The following NDFIP1 variants were observed in gnomAD, a reference collection of about 807,000 sequenced individuals.
NDFIP1 encodes Nedd4 family interacting protein 1, also known as NEDD4 family-interacting protein 1.
A neutral mutation model predicts 28.8 loss-of-function variants in NDFIP1; 7 were observed. The observed-to-expected ratio is 0.24, with a 90% CI of 0.14 to 0.46. The LOEUF (loss-of-function observed/expected upper bound fraction) is 0.46, where lower values mean the gene tolerates loss of function less well. Ranked by LOEUF, NDFIP1 falls within the 20% of genes least tolerant of loss-of-function variation. The pLI is 0.99. For synonymous variants in NDFIP1, 92 were observed against 101.0 expected (o/e 0.91, Z 0.53); for missense variants, 194 against 269.1 (o/e 0.72, Z 1.95).
chr5:142,118,137 G>T (rs1018469694), intron 1 of NDFIP1, among the ~76,000 whole-genome samples: 5 of 152,100 alleles, frequency 3.3e-5, no homozygotes, highest in African/African-American at 1.2e-4. Context: ...GTATGGTACG[G>T]TTTTCACAAT....
chr5:142,116,245 T>C (rs1340762872), intron 1 of NDFIP1, among the ~76,000 whole-genome samples: 1 of 152,246 alleles, frequency 6.6e-6, no homozygotes, highest in Non-Finnish European at 1.5e-5. Flanking sequence ...ATACTAGCAC[T>C]GATCAAGTTT....
intron 6 of NDFIP1, among the ~76,000 whole-genome samples, chr5:142,142,361 A>G (rs1472420847): frequency 1.3e-5 from 2 of 152,208 alleles, no homozygotes; most frequent in African/African-American, 4.8e-5. Flanking sequence ...AAAAATGACC[A>G]ACAGGAGAAT....
intron 7 of NDFIP1, among the ~76,000 whole-genome samples, chr5:142,146,381 T>G (rs1046478049): frequency 1.3e-5 from 2 of 152,246 alleles, no homozygotes; most frequent in African/African-American, 4.8e-5. Flanking sequence ...CATAAGAGAC[T>G]TATTAGATAT....
At chr5:142,146,759 A>T (rs969372759) in intron 7 of NDFIP1, among the ~76,000 whole-genome samples, 2 of 152,196 alleles carry the variant, frequency 1.3e-5, no homozygotes, top group Admixed American at 6.5e-5. Context: ...TACCTTCTTC[A>T]TCTTGGTTCT....
intron 3 of NDFIP1, among the ~76,000 whole-genome samples, chr5:142,135,100 T>G (rs1460563600): frequency 6.6e-6 from 1 of 152,068 alleles, no homozygotes; most frequent in Non-Finnish European, 1.5e-5. Context: ...TGCCTTAGCC[T>G]CCCGAGTAGC....
chr5:142,129,358 A>G (rs897860691), intron 1 of NDFIP1, among the ~76,000 whole-genome samples: 1 of 152,190 alleles, frequency 6.6e-6, no homozygotes, highest in East Asian at 1.9e-4. Context: ...TCGGTGTCCC[A>G]GGAGCATTTG....
chr5:142,113,932 A>AT (rs1350409912), intron 1 of NDFIP1, among the ~76,000 whole-genome samples: 4 of 152,142 alleles, frequency 2.6e-5, no homozygotes, highest in African/African-American at 9.7e-5. Flanking sequence ...TATGTACCAC[A>AT]TTTTGTTTAT....
Position 142,152,647 on chromosome 5 carries a change from T to C in NDFIP1, c.*919T>C, listed in dbSNP as rs1757459280. 1 of 153,942 alleles carries C rather than the reference T, an allele frequency of 6.5e-6. No homozygotes were observed. The highest frequency in any genetic ancestry group is 2.4e-5 in the African/African-American group (1 of 41,458). 9.5% of individuals were successfully genotyped at this position (153,942 alleles called of 1,614,324 possible). A position where few individuals can be genotyped will look rare whatever the true frequency, so the allele number is the denominator to read the frequency against. On this transcript the variant is annotated 3_prime_UTR_variant, in exon 8 of 8. Coordinates refer to ENST00000253814, the MANE Select transcript of NDFIP1 (RefSeq NM_030571.4). ...CATACTGTACTACTTGCTTTTACAA[T>C]GTGTTAGCAGAAACCAGTGGGTTAT...
chr5:142,150,782 A>G (rs201930170), intron 7 of NDFIP1, among the ~76,000 whole-genome samples: 1 of 152,014 alleles, frequency 6.6e-6, no homozygotes, highest in African/African-American at 2.4e-5. Flanking sequence ...TGTGGCTTTT[A>G]TAGTAATTTG....
intron 1 of NDFIP1, among the ~76,000 whole-genome samples, chr5:142,118,200 G>T (rs977781691): frequency 2.0e-5 from 3 of 152,124 alleles, no homozygotes; most frequent in African/African-American, 7.2e-5. Flanking sequence ...ACTTTGTTCA[G>T]ATTTTCTAAG....
At chr5:142,109,483 G>A (rs1470941664) in intron 1 of NDFIP1, among the ~76,000 whole-genome samples, 1 of 152,216 alleles carries the variant, frequency 6.6e-6, no homozygotes, top group Non-Finnish European at 1.5e-5. Flanking sequence ...ACAGCAAGAT[G>A]CTATTGCTCA....
Position 142,140,583 on chromosome 5 carries a change from A to G in NDFIP1, c.516A>G (p.Gly172=). ...LIVRFSTYFP[G]YFDGQYWLWW... ...TTTAGTTTTCCACCTATTTCCCTGGATATTTTGATGGTCAGTACTGGCTCT... is the reference window on the plus strand; with the variant it reads ...TTTAGTTTTCCACCTATTTCCCTGGGTATTTTGATGGTCAGTACTGGCTCT... The change falls in exon 6 of 8, where the codon GGA becomes GGG. Residue 172 remains glycine, a synonymous_variant. Transcript: ENST00000253814. 1 of 1,612,568 alleles carries G rather than the reference A, an allele frequency of 6.2e-7. No homozygotes were observed. The highest frequency in any genetic ancestry group is 2.2e-5 in the East Asian group (1 of 44,808).
At chr5:142,124,027 C>T (rs1242146733) in intron 1 of NDFIP1, among the ~76,000 whole-genome samples, 1 of 152,146 alleles carries the variant, frequency 6.6e-6, no homozygotes, top group Admixed American at 6.6e-5. Context: ...GAACAATTGT[C>T]GCTCCTTATT....
intron 5 of NDFIP1, among the ~76,000 whole-genome samples, chr5:142,139,709 G>A (rs1757309232): frequency 6.6e-6 from 1 of 152,110 alleles, no homozygotes; most frequent in African/African-American, 2.4e-5. Flanking sequence ...CCAAAGTCAA[G>A]ACAAGGCTGG....
chr5:142,143,204 T>TA (rs1757354093), intron 6 of NDFIP1: 1 of 152,048 alleles, frequency 6.6e-6, no homozygotes, highest in Non-Finnish European at 1.5e-5. Flanking sequence ...TTATTTCACA[T>TA]AAAACGCCTG....
chr5:142,117,866 A>G (rs1757085852), intron 1 of NDFIP1, among the ~76,000 whole-genome samples: 1 of 151,658 alleles, frequency 6.6e-6, no homozygotes, highest in Admixed American at 6.6e-5. Context: ...TTTTTTAAAT[A>G]AATCTGTACT....
intron 1 of NDFIP1, among the ~76,000 whole-genome samples, chr5:142,125,387 A>T (rs1201686727): frequency 6.6e-6 from 1 of 152,116 alleles, no homozygotes; most frequent in African/African-American, 2.4e-5. Flanking sequence ...TTTGTTTGAG[A>T]CAGGATCTCA....
chr5:142,110,494 C>T (rs1757002609), intron 1 of NDFIP1, among the ~76,000 whole-genome samples: 1 of 152,102 alleles, frequency 6.6e-6, no homozygotes, highest in Admixed American at 6.6e-5. Flanking sequence ...TCTTCTTGAG[C>T]TATTAGGTAA....
chr5:142,116,352 T>TTCTC (rs59802611), intron 1 of NDFIP1, among the ~76,000 whole-genome samples: 4 of 116,274 alleles, frequency 3.4e-5, no homozygotes, highest in Non-Finnish European at 7.0e-5. Context: ...CCTTCCTTCT[T>TTCTC]TCTCTCTCTC....
Sources: allele counts gnomAD v4.1 joint callset (sites outside exome capture counted in the v4.1 genomes callset), GRCh38; gene constraint gnomAD v4.1.1; transcripts MANE v1.5; gene names NCBI Gene and HGNC (gene_info 2026-07-23, HGNC 2026-07-21).